Variants in NCAPG2 observed in about 807,000 individuals in gnomAD.
NCAPG2 encodes condensin-2 complex subunit G2.
NCAPG2 carries 53 observed loss-of-function variants against 141.1 expected under a neutral mutation model. The observed-to-expected ratio is 0.38, with a 90% CI of 0.30 to 0.47. The LOEUF (loss-of-function observed/expected upper bound fraction) is 0.47. Ranked by LOEUF, NCAPG2 falls within the 20% of genes least tolerant of loss-of-function variation. NCAPG2 has a pLI of 0.99. For missense variants in NCAPG2, 1,087 were observed against 1,389.0 expected (o/e 0.78, Z 3.46); for synonymous variants, 499 against 490.7 (o/e 1.02, Z -0.22).
At chr7:158,642,150 G>C (rs943662117) in intron 27 of NCAPG2, among the ~76,000 whole-genome samples, 1 of 152,180 alleles carries the variant, frequency 6.6e-6, no homozygotes, top group East Asian at 1.9e-4. Context: ...AGGTCAAAGA[G>C]GAAATCACAA....
chr7:158,689,673 G>A (rs1307137384), intron 6 of NCAPG2, 146 bp downstream of exon 6: 1 of 602,500 alleles, frequency 1.7e-6, no homozygotes, highest in East Asian at 3.3e-5. Context: ...CTCTAGTACT[G>A]CCATGCAGTA....
intron 11 of NCAPG2, among the ~76,000 whole-genome samples, chr7:158,678,937 A>C (rs1435364095): frequency 6.6e-6 from 1 of 151,854 alleles, no homozygotes; most frequent in Non-Finnish European, 1.5e-5. Flanking sequence ...TGTAGACTTG[A>C]CCTCCTGGGC....
chr7:158,668,636 A>G (rs1220293369), intron 13 of NCAPG2: 1 of 160,378 alleles, frequency 6.2e-6, no homozygotes, highest in Non-Finnish European at 1.3e-5. Flanking sequence ...AATTCACTAT[A>G]TTAGTCTCTC....
chr7:158,652,824 T>C (rs948648507), intron 22 of NCAPG2, among the ~76,000 whole-genome samples: 5 of 152,242 alleles, frequency 3.3e-5, no homozygotes, highest in African/African-American at 1.2e-4. Context: ...AGAACAGTGT[T>C]GTTGGTTCTG....
At chr7:158,661,999 CAG>C (rs1027453150) in intron 16 of NCAPG2, among the ~76,000 whole-genome samples, 193 bp downstream of exon 16, 13 of 152,000 alleles carry the variant, frequency 8.6e-5, no homozygotes, top group African/African-American at 3.1e-4. Context: ...TGGAAGCAGA[CAG>C]AGACACAAGA....
chr7:158,637,571 TCCGG>T (rs1830360748), intron 27 of NCAPG2, among the ~76,000 whole-genome samples: 1 of 152,226 alleles, frequency 6.6e-6, no homozygotes, highest in African/African-American at 2.4e-5. Flanking sequence ...GCTTTCCAGC[TCCGG>T]CTCCAGCAGC....
Position 158,679,984 on chromosome 7 carries a change from G to C in NCAPG2, c.1122C>G (p.Ile374Met). Reference sequence around the variant, plus strand: ...CATAGAGCTCTTCAAACTGTTTCTGGATTTCACTATCCATTTCAATAGCAT... The same window carrying C: ...CATAGAGCTCTTCAAACTGTTTCTGCATTTCACTATCCATTTCAATAGCAT... ...NLHAIEMDSE[I>M]QKQFEELYSL... The change falls in exon 11 of 28, where the codon ATC becomes ATG. Residue 374 changes from isoleucine to methionine, a missense_variant. Physicochemically the swap from Ile to Met is conservative, Grantham distance 10. Transcript: ENST00000356309. The C allele has an allele frequency of 6.2e-7, 1 of 1,614,064 alleles. No homozygotes were observed. Among genetic ancestry groups the C allele is most frequent in the Non-Finnish European group, 8.5e-7 (1 of 1,179,976 alleles).
intron 2 of NCAPG2, among the ~76,000 whole-genome samples, chr7:158,695,740 G>A (rs1835402079): frequency 6.6e-6 from 1 of 152,166 alleles, no homozygotes; most frequent in Admixed American, 6.5e-5. Flanking sequence ...GGCCTCTAGG[G>A]CCATAGGACA....
intron 1 of NCAPG2, among the ~76,000 whole-genome samples, chr7:158,704,003 G>C (rs1250992092): frequency 6.7e-6 from 1 of 150,360 alleles, no homozygotes; most frequent in Non-Finnish European, 1.5e-5. Context: ...AGAGGGGGTC[G>C]CTCTCTGAGG....
intron 17 of NCAPG2, among the ~76,000 whole-genome samples, chr7:158,657,443 G>A (rs1277403896): frequency 2.6e-5 from 4 of 152,214 alleles, no homozygotes; most frequent in Non-Finnish European, 4.4e-5. Flanking sequence ...GACTTAAAGT[G>A]GAGTAACAGT....
At chr7:158,703,264 T>G (rs751547276) in intron 1 of NCAPG2, among the ~76,000 whole-genome samples, 3 of 152,160 alleles carry the variant, frequency 2.0e-5, no homozygotes, top group African/African-American at 7.2e-5. Context: ...ACAAGCATAA[T>G]GAATAGTGGC....
chr7:158,647,910 C>T (rs147595415), intron 24 of NCAPG2, among the ~76,000 whole-genome samples: 3,730 of 152,190 alleles, frequency 0.025, 67 homozygotes, highest in Non-Finnish European at 0.034. Context: ...GCCTCGAACT[C>T]CTGGCCTCAA....
At chr7:158,693,550 C>G in intron 2 of NCAPG2, 53 bp from the exon 3 acceptor site, 1 of 1,460,244 alleles carries the variant, frequency 6.8e-7, no homozygotes, top group South Asian at 1.2e-5. Context: ...TTAATCATAT[C>G]CTTTTCATAA....
At chr7:158,655,871 A>G (rs1285430011) in intron 19 of NCAPG2, among the ~76,000 whole-genome samples, 3 of 152,244 alleles carry the variant, frequency 2.0e-5, no homozygotes, top group Non-Finnish European at 4.4e-5. Flanking sequence ...AGCTGGGAGC[A>G]TGATGGGTTC....
rs571736347 is a variant in NCAPG2, at chr7:158,686,248, A to G, written c.768-7T>C. The G allele has an allele frequency of 2.0e-6, 3 of 1,468,318 alleles. No homozygotes were observed. Among genetic ancestry groups the G allele is most frequent in the Non-Finnish European group, 2.8e-6 (3 of 1,082,592 alleles). 91.0% of individuals were successfully genotyped at this position (1,468,318 alleles called of 1,614,324 possible). A position where few individuals can be genotyped will look rare whatever the true frequency, so the allele number is the denominator to read the frequency against. On this transcript the variant is annotated splice_polypyrimidine_tract_variant and splice_region_variant and intron_variant, in intron 7 of 27. Transcript: ENST00000356309. ...AATGTATACCATCAAAGACCTATAT[A>G]AAAAGATCAAAATAGTTTTAATGCA...
At chr7:158,666,359 G>A (rs778916344) in intron 13 of NCAPG2, among the ~76,000 whole-genome samples, 2 of 152,026 alleles carry the variant, frequency 1.3e-5, no homozygotes, top group Admixed American at 6.6e-5. Flanking sequence ...CTGCACCAGC[G>A]GGCCTGCAGG....
At chr7:158,649,956 T>G in intron 24 of NCAPG2, among the ~76,000 whole-genome samples, 1 of 152,242 alleles carries the variant, frequency 6.6e-6, no homozygotes. Context: ...ACTAATAACT[T>G]CTGTATTAAT....
intron 11 of NCAPG2, among the ~76,000 whole-genome samples, chr7:158,677,779 TC>T (rs942373460): frequency 2.6e-5 from 4 of 152,170 alleles, no homozygotes; most frequent in African/African-American, 9.6e-5. Flanking sequence ...CAATGCTGTT[TC>T]TGTCGCATCC....
chr7:158,637,938 G>A (rs559064624), intron 27 of NCAPG2, among the ~76,000 whole-genome samples: 4 of 152,288 alleles, frequency 2.6e-5, no homozygotes, highest in African/African-American at 9.6e-5. Flanking sequence ...GAGGCCAGGA[G>A]TTCAAGACCA....
Sources: allele counts gnomAD v4.1 joint callset (sites outside exome capture counted in the v4.1 genomes callset), GRCh38; gene constraint gnomAD v4.1.1; transcripts MANE v1.5; gene names NCBI Gene and HGNC (gene_info 2026-07-23, HGNC 2026-07-21).